Variants in DDX56 observed in about 807,000 individuals in gnomAD.
DDX56 encodes probable ATP-dependent RNA helicase DDX56.
DDX56 carries 45 observed loss-of-function variants against 61.5 expected under a neutral mutation model. The ratio of observed to expected loss-of-function variants is 0.73; its 90% CI spans 0.58 to 0.94. The LOEUF (loss-of-function observed/expected upper bound fraction) is 0.94, where lower values mean the gene tolerates loss of function less well. Ranked by LOEUF, DDX56 falls within the 40% of genes least tolerant of loss-of-function variation. DDX56 has a pLI of 0.00. For synonymous variants in DDX56, 273 were observed against 268.3 expected, an observed-to-expected ratio of 1.02 and a Z score of -0.17; for missense variants, 708 against 690.7, an observed-to-expected ratio of 1.02 and a Z score of -0.28.
intron 12 of DDX56, 124 bp from the exon 13 acceptor site, chr7:44,566,648 C>G: frequency 1.5e-6 from 1 of 669,950 alleles, no homozygotes. Flanking sequence ...TACATCTATT[C>G]ACTACCACAT....
chr7:44,570,154 G>A (rs376312717), intron 7 of DDX56, 26 bp from the exon 8 acceptor site: 43 of 1,611,524 alleles, frequency 2.7e-5, no homozygotes, highest in Middle Eastern at 1.9e-4. Flanking sequence ...AATGTCAGCC[G>A]GACCCTTCCT....
intron 2 of DDX56, 79 bp downstream of exon 2, chr7:44,573,504 A>G (rs217371): frequency 0.41 from 641,459 of 1,551,450 alleles, 139,664 homozygotes; most frequent in Middle Eastern, 0.5. Flanking sequence ...CCAAGAGAAA[A>G]CCTCAGACAA....
intron 1 of DDX56, 21 bp downstream of exon 1, chr7:44,573,815 C>A: frequency 6.2e-7 from 1 of 1,613,346 alleles, no homozygotes; most frequent in Non-Finnish European, 8.5e-7. Flanking sequence ...CGTAAGCCGG[C>A]TCCCCAGCCC....
intron 13 of DDX56, 124 bp downstream of exon 13, chr7:44,566,323 CT>C (rs897644091): frequency 5.2e-6 from 5 of 969,974 alleles, no homozygotes; most frequent in Admixed American, 2.0e-5. Flanking sequence ...AGGGTGCCCC[CT>C]CTTCCCCTCC....
chr7:44,568,836 G>T, intron 11 of DDX56, 67 bp downstream of exon 11: 2 of 1,355,008 alleles, frequency 1.5e-6, no homozygotes, highest in Non-Finnish European at 2.1e-6. Context: ...ACCACTCGGA[G>T]CTCAGCCAGT....
In DDX56 at chr7:44,571,749, A is replaced by G. The variant is rs1207915026; in HGVS notation, c.646-13T>C. ...ACTTAAGGGTAACCTGGGGGAGAAA[A>G]CAGGCCTGTGGTCAGAAAGGAAAAG... On this transcript the variant is annotated splice_polypyrimidine_tract_variant and intron_variant, in intron 5 of 13. Coordinates refer to ENST00000258772, the MANE Select transcript of DDX56 (RefSeq NM_019082.4). 1 of 1,612,992 alleles carries G rather than the reference A, an allele frequency of 6.2e-7. No homozygotes were observed. The highest frequency in any genetic ancestry group is 2.2e-5 in the East Asian group (1 of 44,880).
At chr7:44,568,504 A>G (rs217378) in intron 11 of DDX56, among the ~76,000 whole-genome samples, 86,179 of 151,574 alleles carry the variant, frequency 0.57, 24,612 homozygotes, top group Middle Eastern at 0.65. Flanking sequence ...TTCGGCTCTG[A>G]ATGCACCTGA....
intron 6 of DDX56, among the ~76,000 whole-genome samples, chr7:44,571,184 G>A (rs973955826): frequency 3.3e-5 from 5 of 152,170 alleles, no homozygotes; most frequent in Non-Finnish European, 1.5e-5. Flanking sequence ...GATTACAGGT[G>A]CCTGCCACCA....
intron 9 of DDX56, 132 bp downstream of exon 9, chr7:44,569,677 G>A (rs1802624178): frequency 2.5e-6 from 2 of 797,746 alleles, no homozygotes; most frequent in Admixed American, 4.9e-5. Context: ...GCCACTCAGG[G>A]CAGAACAAGG....
At chr7:44,572,526 C>T in intron 4 of DDX56, 48 bp downstream of exon 4, 1 of 1,613,622 alleles carries the variant, frequency 6.2e-7, no homozygotes, top group Non-Finnish European at 8.5e-7. Flanking sequence ...CGTCCCAACT[C>T]CTACTCACAG....
In DDX56 at chr7:44,566,531, G is replaced by C; in HGVS notation, c.1490-7C>G. The C allele has an allele frequency of 6.4e-7, 1 of 1,552,798 alleles. No individual in the cohort carries two copies. On this transcript the variant is annotated splice_region_variant and splice_polypyrimidine_tract_variant and intron_variant, in intron 12 of 13. Transcript: ENST00000258772. ...CCACGGAGAGCAGGAGGAACTGGAA[G>C]AGATGCTTGCCTGAGCAGTGGGCTC... is the stretch of plus-strand genomic sequence containing the variant.
chr7:44,568,205 G>A lies in DDX56; in HGVS notation c.1402C>T (p.Pro468Ser). The A allele has an allele frequency of 2.5e-6, 4 of 1,611,912 alleles. No individual in the cohort carries two copies. The highest frequency in any genetic ancestry group is 3.4e-6 in the Non-Finnish European group (4 of 1,178,466). ...EKLKTYFEDN[P>S]RDLQLLRHDL... ...TGCCGCAGCAGCTGGAGGTCCCTAG[G>A]GTTGTCTTCAAAGTATGTCTGCCGG... Residue 468 changes from proline (P) to serine (S), a missense_variant, in exon 12 of 14, where the codon CCT (proline) becomes TCT (serine). Pro to Ser is a moderately conservative substitution (Grantham distance 74). Transcript: ENST00000258772.
Position 44,566,026 on chromosome 7 carries a change from GAATTTCTTTCCTTTGTGCTTGA to G in DDX56, c.1598_1619del (p.Phe533SerfsTer17). On this transcript the variant is annotated frameshift_variant, in exon 14 of 14. Coordinates refer to ENST00000258772, the MANE Select transcript of DDX56 (RefSeq NM_019082.4). LOFTEE classifies it high-confidence loss of function. Reference sequence around the variant, plus strand: ...CTCAGGAGGGCTTGGCTGTGGGTCTGAATTTCTTTCCTTTGTGCTTGAAGCTGCGCAGTGGGTTCTGGGACTT... The same window carrying G: ...CTCAGGAGGGCTTGGCTGTGGGTCTGAGCTGCGCAGTGGGTTCTGGGACTT... 1.2e-6 allele frequency: 2 copies of G among 1,612,988 alleles called. No individual in the cohort carries two copies. Among genetic ancestry groups the G allele is most frequent in the Non-Finnish European group, 8.5e-7 (1 of 1,179,862 alleles).
Position 44,572,736 on chromosome 7 carries a change from A to G in DDX56, c.392T>C (p.Leu131Pro). 6.2e-7 allele frequency: 1 copy of G among 1,614,212 alleles called. No individual in the cohort carries two copies. Among genetic ancestry groups the G allele is most frequent in the South Asian group, 1.1e-5 (1 of 91,082 alleles). The change falls in exon 4 of 14, where the codon CTG becomes CCG. Residue 131 changes from leucine to proline, a missense_variant. Physicochemically the swap from Leu to Pro is moderately conservative, Grantham distance 98 (BLOSUM62 -3). Coordinates refer to ENST00000258772, the MANE Select transcript of DDX56 (RefSeq NM_019082.4). Reference sequence around the variant, plus strand: ...TACTACCACATCTGGCTTCTCCATCAGCACAGCTCTGGAGGTGGACAAGAC... The same window carrying G: ...TACTACCACATCTGGCTTCTCCATCGGCACAGCTCTGGAGGTGGACAAGAC... ...AEDSVSQRAV[L>P]MEKPDVVVGT...
chr7:44,566,133 A>ACAC, intron 13 of DDX56, 54 bp from the exon 14 acceptor site: 1 of 743,092 alleles, frequency 1.3e-6, no homozygotes, highest in South Asian at 1.7e-5. Flanking sequence ...CAGACAATCC[A>ACAC]CCCACCCACC....
Position 44,573,644 on chromosome 7 carries a change from C to T in DDX56, c.161G>A (p.Gly54Asp). 4 of 1,613,736 alleles carry T rather than the reference C, an allele frequency of 2.5e-6. No individual in the cohort carries two copies. The highest frequency in any genetic ancestry group is 1.1e-5 in the South Asian group (1 of 91,092). Residue 54 changes from glycine to aspartate, a missense_variant, in exon 2 of 14, where the codon GGC (glycine) becomes GAC (aspartate). By Grantham distance (94) the Gly-to-Asp change is moderately conservative. Transcript: ENST00000258772. ...GKDLLARART[G>D]SGKTAAYAIP... ...AGCATAAGCGGCCGTCTTCCCGGAG[C>T]CCGTGCGGGCCCGAGCCAGGAGGTC...
At position 44,573,161 on chromosome 7, in the gene DDX56, A is replaced by G. The variant is rs935835597; in HGVS notation, c.223-111T>C. The stretch of plus-strand genomic sequence containing the variant: ...ATCTGCTGCAACACTACTTAGCAGT[A>G]CTTTGATCATCTATCACTCTGCCCG... On this transcript the variant is annotated intron_variant, in intron 2 of 13. Transcript: ENST00000258772. The G allele has an allele frequency of 7.4e-6, 7 of 939,996 alleles. No individual in the cohort carries two copies. In the African/African-American group the frequency reaches 9.9e-5, roughly 13 times the overall value. The allele number at this position is 939,996 out of a possible 1,614,324, so 58.2% of individuals were successfully genotyped here. A position where few individuals can be genotyped will look rare whatever the true frequency, so the allele number is the denominator to read the frequency against.
Position 44,565,917 on chromosome 7 carries a change from C to T in DDX56, c.*85G>A, listed in dbSNP as rs1802516901. The T allele has an allele frequency of 2.9e-6, 3 of 1,051,528 alleles. No individual in the cohort carries two copies. The East Asian group carries it at 7.3e-5, about 26-fold the overall frequency. The allele number at this position is 1,051,528 out of a possible 1,614,324, so 65.1% of individuals were successfully genotyped here. A position where few individuals can be genotyped will look rare whatever the true frequency, so the allele number is the denominator to read the frequency against. ...CCCAGAACTGTCTGTTCAGGCTGTG[C>T]AGTAAGCACCAGAGCCTCGCCTGTC... On this transcript the variant is annotated 3_prime_UTR_variant, in exon 14 of 14. Coordinates refer to ENST00000258772, the MANE Select transcript of DDX56 (RefSeq NM_019082.4).
rs780600281 is a variant in DDX56, at chr7:44,572,963, G to A, written c.310C>T (p.Gln104Ter). The part of the protein sequence containing the change: ...LARQAQSMIQ[Q>*]LATYCARDVR... The stretch of plus-strand genomic sequence containing the variant: ...TCCCGAGCACAGTAGGTAGCCAGCT[G>A]CTGAATCATGGACTGTGCTTGCCGT... Residue 104 changes from glutamine to a stop codon, truncating the protein, a stop_gained, in exon 3 of 14, where the codon CAG becomes TAG. Coordinates refer to ENST00000258772, the MANE Select transcript of DDX56 (RefSeq NM_019082.4). LOFTEE classifies it high-confidence loss of function. 6.8e-6 allele frequency: 11 copies of A among 1,613,332 alleles called. No individual in the cohort carries two copies. The highest frequency in any genetic ancestry group is 1.1e-5 in the South Asian group (1 of 90,992).
Sources: allele counts gnomAD v4.1 joint callset (sites outside exome capture counted in the v4.1 genomes callset), GRCh38; gene constraint gnomAD v4.1.1; transcripts MANE v1.5; gene names NCBI Gene and HGNC (gene_info 2026-07-23, HGNC 2026-07-21).